Variants in ROBO1 observed in about 807,000 individuals in gnomAD.
The protein encoded by ROBO1 is roundabout homolog 1.
Under a neutral mutation model 195.9 loss-of-function variants are expected in ROBO1, and 149 were observed. The ratio of observed to expected loss-of-function variants is 0.76; its 90% CI spans 0.67 to 0.87. ROBO1 has a LOEUF of 0.87. ROBO1 is among the 40% of genes least tolerant of loss of function. The pLI, the probability that ROBO1 is intolerant of heterozygous loss-of-function variation, is 0.00. For missense variants in ROBO1, 1,933 were observed against 2,068.3 expected (o/e 0.93, Z 1.27); for synonymous variants, 816 against 733.2 (o/e 1.11, Z -1.82).
chr3:79,356,377 A>G (rs764842577), intron 2 of ROBO1, among the ~76,000 whole-genome samples: 1 of 151,860 alleles, frequency 6.6e-6, no homozygotes. Flanking sequence ...TTATTTTAAC[A>G]GAGATGATAC....
At chr3:79,104,569 T>A (rs2079741003) in intron 3 of ROBO1, among the ~76,000 whole-genome samples, 1 of 151,702 alleles carries the variant, frequency 6.6e-6, no homozygotes, top group South Asian at 2.1e-4. Flanking sequence ...TACTGCTTAT[T>A]GCATATTTAA....
intron 2 of ROBO1, among the ~76,000 whole-genome samples, chr3:79,480,117 C>T (rs1329430382): frequency 2.6e-5 from 4 of 152,120 alleles, no homozygotes; most frequent in Non-Finnish European, 5.9e-5. Flanking sequence ...GTCAGTGTTA[C>T]CTGGTTTTAA....
chr3:78,603,244 A>AGT (rs1036117877), intron 29 of ROBO1, among the ~76,000 whole-genome samples: 58 of 152,268 alleles, frequency 3.8e-4, no homozygotes, highest in African/African-American at 1.3e-3. Context: ...ATTATGTAGT[A>AGT]GTACTGAATT....
chr3:78,618,038 C>T lies in ROBO1; in HGVS notation c.3879G>A (p.Arg1293=). Residue 1293 remains arginine (R), a synonymous_variant, in exon 27 of 31, where the codon CGG becomes CGA. Transcript: ENST00000464233. Reference sequence around the variant, plus strand: ...GTGGTGGAGGAGGACTCACAGGCTGCCGTCTGTATGAAGATGAATAAATAG... The same window carrying T: ...GTGGTGGAGGAGGACTCACAGGCTGTCGTCTGTATGAAGATGAATAAATAG... ...GHMQHQPDRR[R]QPVSPPPPPR... 6.2e-7 allele frequency: 1 copy of T among 1,609,806 alleles called. No homozygotes were observed. The highest frequency in any genetic ancestry group is 1.1e-5 in the South Asian group (1 of 90,610).
At chr3:79,031,063 G>A (rs1284196255) in intron 3 of ROBO1, among the ~76,000 whole-genome samples, 2 of 152,108 alleles carry the variant, frequency 1.3e-5, no homozygotes, top group East Asian at 1.9e-4. Flanking sequence ...AATTCAGTAG[G>A]GTAATAAAGG....
chr3:79,242,514 T>C (rs927278970), intron 2 of ROBO1, among the ~76,000 whole-genome samples: 1 of 152,174 alleles, frequency 6.6e-6, no homozygotes, highest in African/African-American at 2.4e-5. Context: ...TACCACTATA[T>C]GTTGAAATTT....
chr3:78,639,078 G>A (rs570031900), intron 22 of ROBO1, among the ~76,000 whole-genome samples: 94 of 152,072 alleles, frequency 6.2e-4, no homozygotes, highest in African/African-American at 2.1e-3. Flanking sequence ...CCCAGGAGGC[G>A]GAGGTTGCAG....
chr3:79,628,276 A>T (rs575772256), intron 1 of ROBO1, among the ~76,000 whole-genome samples: 1 of 152,188 alleles, frequency 6.6e-6, no homozygotes, highest in East Asian at 1.9e-4. Context: ...CATCAATGGT[A>T]TATACACCAT....
intron 8 of ROBO1, among the ~76,000 whole-genome samples, chr3:78,707,239 A>G (rs1229298648): frequency 6.6e-6 from 1 of 152,144 alleles, no homozygotes; most frequent in Non-Finnish European, 1.5e-5. Flanking sequence ...GAAGCATCCC[A>G]TTAGTAGCAA....
At chr3:78,833,443 C>A (rs544586562) in intron 4 of ROBO1, among the ~76,000 whole-genome samples, 16 of 151,950 alleles carry the variant, frequency 1.1e-4, no homozygotes, top group Admixed American at 9.2e-4. Flanking sequence ...TGAAACCAAT[C>A]TTAATTGTAT....
intron 2 of ROBO1, among the ~76,000 whole-genome samples, chr3:79,408,463 G>A (rs1489213314): frequency 6.6e-6 from 1 of 151,880 alleles, no homozygotes; most frequent in Non-Finnish European, 1.5e-5. Context: ...CATATTTCTT[G>A]CCTTCTTGGA....
In ROBO1 at chr3:79,725,222, TC is replaced by T. The variant is rs1378950155; in HGVS notation, c.-51+42529del. ...GCCTTATGAGAAACATCTCTCTTCT[TC>T]TTTTTTTTTTTTTTTTTTTTTGAGA... On this transcript the variant is annotated intron_variant, in intron 1 of 30. Coordinates refer to ENST00000464233, the MANE Select transcript of ROBO1 (RefSeq NM_002941.4). Among the ~76,000 whole-genome samples, 548 of 117,588 alleles carry T rather than the reference TC, an allele frequency of 4.7e-3. 2 individuals are homozygous for T. The highest frequency in any genetic ancestry group is 0.015 in the African/African-American group (460 of 31,616). 77.1% of individuals were successfully genotyped at this position (117,588 alleles called of 152,430 possible). A position where few individuals can be genotyped will look rare whatever the true frequency, so the allele number is the denominator to read the frequency against.
chr3:79,146,007 G>A (rs983513), intron 2 of ROBO1, among the ~76,000 whole-genome samples: 62,306 of 149,544 alleles, frequency 0.42, 15,120 homozygotes, highest in East Asian at 0.6. Flanking sequence ...AATAGTTCAA[G>A]TGGGTAACTT....
At chr3:79,610,542 A>G (rs1944626590) in intron 1 of ROBO1, among the ~76,000 whole-genome samples, 2 of 152,036 alleles carry the variant, frequency 1.3e-5, no homozygotes, top group African/African-American at 4.8e-5. Flanking sequence ...ATTACCTGGA[A>G]AACAAATATT....
At chr3:78,840,106 GT>G (rs1315362184) in intron 4 of ROBO1, among the ~76,000 whole-genome samples, 1 of 152,204 alleles carries the variant, frequency 6.6e-6, no homozygotes, top group African/African-American at 2.4e-5. Flanking sequence ...CATTTTGGCT[GT>G]CTTAATGATC....
chr3:79,685,913 CA>C (rs1249772672), intron 1 of ROBO1, among the ~76,000 whole-genome samples: 3 of 151,948 alleles, frequency 2.0e-5, no homozygotes, highest in Non-Finnish European at 2.9e-5. Context: ...GCAGAGACAA[CA>C]ACAAAAAAAG....
At chr3:79,007,466 T>C (rs1466008949) in intron 3 of ROBO1, among the ~76,000 whole-genome samples, 1 of 152,140 alleles carries the variant, frequency 6.6e-6, no homozygotes, top group Admixed American at 6.5e-5. Flanking sequence ...AGATTGAGAA[T>C]AAAAATACAC....
chr3:78,802,250 C>T (rs1485309277), intron 4 of ROBO1, among the ~76,000 whole-genome samples: 1 of 152,100 alleles, frequency 6.6e-6, no homozygotes, highest in African/African-American at 2.4e-5. Context: ...CTTTCTATAT[C>T]AAACTAATTT....
chr3:79,018,599 GGC>G, intron 3 of ROBO1: 1 of 1,478,898 alleles, frequency 6.8e-7, no homozygotes. Context: ...GAGTTTTCAG[GGC>G]AATTACTCGT....
Sources: allele counts gnomAD v4.1 joint callset (sites outside exome capture counted in the v4.1 genomes callset), GRCh38; gene constraint gnomAD v4.1.1; transcripts MANE v1.5; gene names NCBI Gene and HGNC (gene_info 2026-07-23, HGNC 2026-07-21).